The following CARMIL3 variants were observed in gnomAD, a reference collection of about 807,000 sequenced individuals.
CARMIL3 encodes capping protein, Arp2/3 and myosin-I linker protein 3.
A neutral mutation model predicts 180.8 loss-of-function variants in CARMIL3; 88 were observed. That is an observed-to-expected ratio of 0.49 (90% CI 0.41 to 0.58). The LOEUF (loss-of-function observed/expected upper bound fraction) is 0.58. CARMIL3 is among the 20% of genes least tolerant of loss of function. The pLI, the probability that CARMIL3 is intolerant of heterozygous loss-of-function variation, is 0.00. For missense variants in CARMIL3, 1,548 were observed against 1,787.0 expected, an observed-to-expected ratio of 0.87 and a Z score of 2.41; for synonymous variants, 696 against 714.5, an observed-to-expected ratio of 0.97 and a Z score of 0.41.
Position 24,057,785 on chromosome 14 carries a change from C to T in CARMIL3, c.1141-18C>T, listed in dbSNP as rs369657497. The T allele has an allele frequency of 1.4e-5, 22 of 1,605,028 alleles. No individual in the cohort carries two copies. The African/African-American group carries it at 2.4e-4, about 18-fold the overall frequency. On this transcript the variant is annotated intron_variant, in intron 14 of 39. Coordinates refer to ENST00000342740, the MANE Select transcript of CARMIL3 (RefSeq NM_138360.4). ...CCCCTTCCAGCTCCCCTGAGACCCA[C>T]CATATCTCCCCCCACAGCTTCTCGG...
chr14:24,064,522 TG>T (rs751366130), intron 32 of CARMIL3, among the ~76,000 whole-genome samples, 176 bp downstream of exon 32: 6 of 152,146 alleles, frequency 3.9e-5, no homozygotes, highest in Non-Finnish European at 5.9e-5. Context: ...CCATGACCTC[TG>T]CGTCTTCCCA....
Position 24,059,152 on chromosome 14 carries a change from T to C in CARMIL3, c.1589T>C (p.Leu530Pro). The C allele has an allele frequency of 6.2e-7, 1 of 1,607,888 alleles. No homozygotes were observed. Among genetic ancestry groups the C allele is most frequent in the Non-Finnish European group, 8.5e-7 (1 of 1,177,566 alleles). ...NVKAKTLEEI[L>P]HKLVQLIQEE... ...CCCTGCAGGACCCTGGAGGAGATCC[T>C]CCACAAGCTGGTGCAGCTGATCCAG... is the stretch of plus-strand genomic sequence containing the variant. The change falls in exon 20 of 40, where the codon CTC (leucine) becomes CCC (proline). Residue 530 changes from leucine to proline, a missense_variant. Leu to Pro is a moderately conservative substitution (Grantham distance 98). Coordinates refer to ENST00000342740, the MANE Select transcript of CARMIL3 (RefSeq NM_138360.4). This position sits in a 1 kb window ranked among gnomAD's most constrained non-coding sequence, Gnocchi z 6.3.
At position 24,052,200 on chromosome 14, in the gene CARMIL3, G is replaced by A; in HGVS notation, c.40+7G>A. ...CTCACCCGCGAGTTGCAAGGTACGA[G>A]GCTGCCTCGGTCTCTGGGACGCCCC... On this transcript the variant is annotated splice_region_variant and intron_variant, in intron 1 of 39. Transcript: ENST00000342740. 1 of 1,587,018 alleles carries A rather than the reference G, an allele frequency of 6.3e-7. No homozygotes were observed. The highest frequency in any genetic ancestry group is 1.1e-5 in the South Asian group (1 of 87,882).
At position 24,057,950 on chromosome 14, in the gene CARMIL3, C is replaced by T; in HGVS notation, c.1218-10C>T. ...CCCCTCCCTCGCTGACCCCAGGGGT[C>T]TCTCCACAGGAAGGGTCGAGAGGCC... On this transcript the variant is annotated splice_polypyrimidine_tract_variant and intron_variant, in intron 15 of 39. Coordinates refer to ENST00000342740, the MANE Select transcript of CARMIL3 (RefSeq NM_138360.4). The T allele has an allele frequency of 6.2e-7, 1 of 1,613,448 alleles. No homozygotes were observed. The highest frequency in any genetic ancestry group is 8.5e-7 in the Non-Finnish European group (1 of 1,179,950).
In CARMIL3 at chr14:24,064,959, T is replaced by C. The variant is rs1467339391; in HGVS notation, c.3082T>C (p.Tyr1028His). The C allele has an allele frequency of 6.2e-7, 1 of 1,609,572 alleles. No individual in the cohort carries two copies. Among genetic ancestry groups the C allele is most frequent in the East Asian group, 2.2e-5 (1 of 44,736 alleles). ...CTAACTTACCCCGATTCTCCCCAGC[T>C]ACCCCCGGACTCTGAGGACCGTGCG... is the stretch of plus-strand genomic sequence containing the variant. ...SRRVLEESSSYPRTLRTVRPG... is the reference protein window; with the variant it reads ...SRRVLEESSSHPRTLRTVRPG... Residue 1028 changes from tyrosine to histidine, a missense_variant and splice_region_variant, in exon 33 of 40, where the codon TAC becomes CAC. Physicochemically the swap from Tyr to His is moderately conservative, Grantham distance 83. This residue lies in a region of CARMIL3 where 668 missense variants were observed against 687.8 expected (regional missense o/e 0.97). Coordinates refer to ENST00000342740, the MANE Select transcript of CARMIL3 (RefSeq NM_138360.4).
intron 13 of CARMIL3, 60 bp from the exon 14 acceptor site, chr14:24,057,107 C>T: frequency 1.3e-6 from 2 of 1,594,686 alleles, no homozygotes; most frequent in Non-Finnish European, 1.7e-6. Flanking sequence ...CCCATGGCCT[C>T]TGGGGGTGGC....
intron 29 of CARMIL3, 108 bp downstream of exon 29, chr14:24,062,954 G>A: frequency 1.3e-6 from 2 of 1,541,704 alleles, no homozygotes; most frequent in South Asian, 2.5e-5. Flanking sequence ...ACCTCACTGT[G>A]CCTGGCCTTC....
rs766356910 is a variant in CARMIL3 at position 24,068,690 on chromosome 14, T to C, written c.3789T>C (p.Ala1263=). ...TCTTCCCAGAGAGGACACTTCCAGC[T>C]AGGAATGCCAAGGTGAGAGCTGGCA... is the stretch of plus-strand genomic sequence containing the variant. ...GTLFPERTLP[A]RNAKLQDPAL... Residue 1263 remains alanine (A), a synonymous_variant, in exon 37 of 40, where the codon GCT becomes GCC. Coordinates refer to ENST00000342740, the MANE Select transcript of CARMIL3 (RefSeq NM_138360.4). 5.6e-6 allele frequency: 9 copies of C among 1,613,508 alleles called. No individual in the cohort carries two copies. In the South Asian group the frequency reaches 9.9e-5, roughly 18 times the overall value.
intron 31 of CARMIL3, 120 bp downstream of exon 31, chr14:24,063,653 G>T: frequency 1.0e-6 from 1 of 967,626 alleles, no homozygotes; most frequent in Middle Eastern, 2.3e-4. Context: ...CAGGAGTCCA[G>T]GCATGCCAAT....
At chr14:24,052,248 G>C in intron 1 of CARMIL3, 55 bp downstream of exon 1, 1 of 1,521,556 alleles carries the variant, frequency 6.6e-7, no homozygotes, top group Middle Eastern at 1.7e-4. Flanking sequence ...CCCAGACCCA[G>C]CGCGTTCCTC....
chr14:24,062,646 C>T, intron 28 of CARMIL3, 63 bp from the exon 29 acceptor site: 2 of 1,612,894 alleles, frequency 1.2e-6, no homozygotes, highest in Non-Finnish European at 1.7e-6. Flanking sequence ...ATCACCCTCC[C>T]CTTCAAGGCC....
rs926430710 is a variant in CARMIL3 at position 24,062,205 on chromosome 14, G to A, written c.2481-275G>A. On this transcript the variant is annotated intron_variant, in intron 27 of 39. Coordinates refer to ENST00000342740, the MANE Select transcript of CARMIL3 (RefSeq NM_138360.4). ...CTAGCTCTGTTCCACTGGGGCTCCA[G>A]GGGCCTGACCTAGGGCCCCCTTGCT... 4 of 545,248 alleles carry A rather than the reference G, an allele frequency of 7.3e-6. No homozygotes were observed. The Admixed American group carries it at 9.3e-5, about 13-fold the overall frequency. The allele number at this position is 545,248 out of a possible 1,614,324, so 33.8% of individuals were successfully genotyped here. A position where few individuals can be genotyped will look rare whatever the true frequency, so the allele number is the denominator to read the frequency against.
At chr14:24,063,054 G>A in intron 29 of CARMIL3, 66 bp from the exon 30 acceptor site, 2 of 1,589,220 alleles carry the variant, frequency 1.3e-6, no homozygotes, top group Non-Finnish European at 1.7e-6. Context: ...CTCAAATAAG[G>A]TTTCATGAGG....
chr14:24,056,301 A>G lies in CARMIL3; in HGVS notation c.773A>G (p.Asp258Gly). Reference protein sequence around the residue: ...LVLDNAGLKTDFVQKLAGVFG... With the variant: ...LVLDNAGLKTGFVQKLAGVFG... ...ATCCTTCCTCCCCTTCCCTGAAGGG[A>G]CTTTGTCCAGAAGCTGGCCGGGGTG... Residue 258 changes from aspartate (D) to glycine (G), a missense_variant and splice_region_variant, in exon 11 of 40, where the codon GAC becomes GGC. Physicochemically the swap from Asp to Gly is moderately conservative, Grantham distance 94 (BLOSUM62 -1). Around this residue, in one of 4 missense-constraint regions of CARMIL3, gnomAD observed 578 missense variants for 666.5 expected, o/e 0.87. Coordinates refer to ENST00000342740, the MANE Select transcript of CARMIL3 (RefSeq NM_138360.4). 1 of 1,613,568 alleles carries G rather than the reference A, an allele frequency of 6.2e-7. No homozygotes were observed. Among genetic ancestry groups the G allele is most frequent in the Non-Finnish European group, 8.5e-7 (1 of 1,179,668 alleles).
In CARMIL3 at chr14:24,058,172, T is replaced by TG. The variant is rs770976978; in HGVS notation, c.1340_1341insG (p.Ser448LeufsTer8). The TG allele has an allele frequency of 2.5e-6, 4 of 1,613,722 alleles. No homozygotes were observed. The highest frequency in any genetic ancestry group is 2.5e-6 in the Non-Finnish European group (3 of 1,179,962). On this transcript the variant is annotated frameshift_variant, in exon 17 of 40. Coordinates refer to ENST00000342740, the MANE Select transcript of CARMIL3 (RefSeq NM_138360.4). LOFTEE classifies it high-confidence loss of function. The surrounding 1 kb of genome is among the most constrained non-coding windows in gnomAD (Gnocchi z 6.4). Reference sequence around the variant, plus strand: ...TCCCACAGGGCGCTGCTTCAGGGCCTCTCCCTCAACAGTCACCTCAGTGAC... The same window carrying TG: ...TCCCACAGGGCGCTGCTTCAGGGCCTGCTCCCTCAACAGTCACCTCAGTGAC...
At position 24,060,145 on chromosome 14, in the gene CARMIL3, C is replaced by T. The variant is rs931180559; in HGVS notation, c.1963-12C>T. ...TCCCCAGGCCCTGACCCACCAACCC[C>T]ATCATCTCCAGATCCAATGGTGCTT... On this transcript the variant is annotated splice_polypyrimidine_tract_variant and intron_variant, in intron 23 of 39. Transcript: ENST00000342740. 16 of 1,614,070 alleles carry T rather than the reference C, an allele frequency of 9.9e-6. No homozygotes were observed. Among genetic ancestry groups the T allele is most frequent in the Non-Finnish European group, 1.3e-5 (15 of 1,180,010 alleles).
chr14:24,068,519 G>T (rs1566544512), intron 36 of CARMIL3, 65 bp from the exon 37 acceptor site: 6 of 1,425,776 alleles, frequency 4.2e-6, no homozygotes, highest in Non-Finnish European at 3.8e-6. Flanking sequence ...GTGGAGAGAG[G>T]AGACAGGGAC....
rs1226134814 is a variant in CARMIL3 at position 24,059,004 on chromosome 14, T to G, written c.1571+18T>G. ...AAGGCCAAGTGAGGCCCCCTTTCCA[T>G]GCCCACAGACCCTCATCCCATCATT... On this transcript the variant is annotated intron_variant, in intron 19 of 39. Transcript: ENST00000342740. The surrounding 1 kb of genome is among the most constrained non-coding windows in gnomAD (Gnocchi z 6.3). 2 of 1,613,382 alleles carry G rather than the reference T, an allele frequency of 1.2e-6. No individual in the cohort carries two copies. The highest frequency in any genetic ancestry group is 1.7e-6 in the Non-Finnish European group (2 of 1,179,616).
chr14:24,052,147 G>A lies in CARMIL3; in HGVS notation c.-7G>A, dbSNP rs1383745745. The A allele has an allele frequency of 6.3e-7, 1 of 1,578,144 alleles. No homozygotes were observed. Among genetic ancestry groups the A allele is most frequent in the South Asian group, 1.2e-5 (1 of 86,802 alleles). ...CCTCTGCAGCAGCCTCAGCAGCAGC[G>A]GCCGCCATGGCCAAGCCCAGCGTGG... On this transcript the variant is annotated 5_prime_UTR_variant, in exon 1 of 40. Coordinates refer to ENST00000342740, the MANE Select transcript of CARMIL3 (RefSeq NM_138360.4).
Sources: allele counts gnomAD v4.1 joint callset (sites outside exome capture counted in the v4.1 genomes callset), GRCh38; gene constraint gnomAD v4.1.1; regional missense constraint gnomAD v4.1.1; non-coding constraint Gnocchi (gnomAD v3.1); transcripts MANE v1.5; gene names NCBI Gene and HGNC (gene_info 2026-07-23, HGNC 2026-07-21).